PCDH11X: variants seen among roughly 807,000 people sequenced by gnomAD.
PCDH11X encodes protocadherin 11 X-linked, also known as protocadherin-11 X-linked.
A neutral mutation model predicts 53.3 loss-of-function variants in PCDH11X; 18 were observed. The ratio of observed to expected loss-of-function variants is 0.34; its 90% CI spans 0.23 to 0.50. The LOEUF (loss-of-function observed/expected upper bound fraction) is 0.50. Among genes scored for constraint, PCDH11X ranks in the 20% least tolerant of loss-of-function variants. The pLI is 0.98. For missense variants in PCDH11X, 570 were observed against 1,032.4 expected, an observed-to-expected ratio of 0.55 and a Z score of 6.14; for synonymous variants, 279 against 393.3, an observed-to-expected ratio of 0.71 and a Z score of 3.44.
intron 10 of PCDH11X, among the ~76,000 whole-genome samples, chrX:92,611,612 T>C (rs925108555): frequency 6.5e-5 from 7 of 107,399 alleles, no homozygotes; most frequent in African/African-American, 2.0e-4. Flanking sequence ...GCACTTCCAG[T>C]ACTGTGTTGA....
intron 4 of PCDH11X, among the ~76,000 whole-genome samples, chrX:91,821,167 G>A (rs7052233): frequency 0.019 from 2,036 of 108,322 alleles, 54 homozygotes; most frequent in African/African-American, 0.066. Flanking sequence ...CTCTTTTTTG[G>A]TTCCATATGA....
chrX:91,875,751 G>A (rs1476681995), intron 5 of PCDH11X, among the ~76,000 whole-genome samples: 1 of 109,621 alleles, frequency 9.1e-6, no homozygotes. Context: ...AAATAACATT[G>A]CATTGTTAAT....
At chrX:91,832,970 C>T (rs1478115919) in intron 4 of PCDH11X, among the ~76,000 whole-genome samples, 1 of 98,043 alleles carries the variant, frequency 1.0e-5, no homozygotes, top group Non-Finnish European at 2.1e-5. Flanking sequence ...GCCTAGTACC[C>T]ATTAATTTTT....
At chrX:92,616,676 G>GT (rs948597270) in intron 10 of PCDH11X, among the ~76,000 whole-genome samples, 8 of 109,022 alleles carry the variant, frequency 7.3e-5, no homozygotes, top group Non-Finnish European at 1.5e-4. Context: ...CCACAAATAG[G>GT]TTTTTTTTAA....
chrX:92,394,837 C>T, intron 9 of PCDH11X, among the ~76,000 whole-genome samples: 1 of 111,222 alleles, frequency 9.0e-6, no homozygotes, highest in East Asian at 2.8e-4. Context: ...TTTTTAATCC[C>T]CATGACACTT....
chrX:92,214,875 C>G (rs2066661631), intron 7 of PCDH11X, among the ~76,000 whole-genome samples: 2 of 110,887 alleles, frequency 1.8e-5, no homozygotes, highest in African/African-American at 6.6e-5. Context: ...ACAGCGAAAC[C>G]TCTTTACTAC....
chrX:92,100,533 G>A (rs866446848), intron 6 of PCDH11X, among the ~76,000 whole-genome samples: 2 of 110,193 alleles, frequency 1.8e-5, no homozygotes, highest in African/African-American at 6.7e-5. Flanking sequence ...GGCAAGGACC[G>A]GCCATTTACA....
At chrX:92,049,060 G>A (rs1006702435) in intron 6 of PCDH11X, among the ~76,000 whole-genome samples, 60 of 110,842 alleles carry the variant, frequency 5.4e-4, no homozygotes, top group Non-Finnish European at 5.8e-4. Context: ...TGGAGACCAC[G>A]TTTTACAGTG....
intron 10 of PCDH11X, among the ~76,000 whole-genome samples, chrX:92,554,516 A>G (rs922925307): frequency 4.5e-5 from 5 of 110,658 alleles, no homozygotes; most frequent in Admixed American, 2.9e-4. Flanking sequence ...TTTATTAATT[A>G]CATAGTTCAA....
chrX:91,897,252 A>G (rs1446984841), intron 6 of PCDH11X, among the ~76,000 whole-genome samples: 1 of 95,879 alleles, frequency 1.0e-5, no homozygotes, highest in Non-Finnish European at 2.1e-5. Flanking sequence ...ATTGTGTTGC[A>G]AGCCCTAGCT....
chrX:91,970,434 G>A (rs2061941631), intron 6 of PCDH11X, among the ~76,000 whole-genome samples: 1 of 111,318 alleles, frequency 9.0e-6, no homozygotes, highest in African/African-American at 3.3e-5. Flanking sequence ...TAGCTAGATA[G>A]AAAAGTTCTC....
At chrX:92,342,827 A>G (rs2069796372) in intron 8 of PCDH11X, among the ~76,000 whole-genome samples, 1 of 111,397 alleles carries the variant, frequency 9.0e-6, no homozygotes. Flanking sequence ...AAACCTGCAC[A>G]TGTACCACCT....
At chrX:92,118,420 C>G (rs1233977797) in intron 6 of PCDH11X, among the ~76,000 whole-genome samples, 7 of 107,499 alleles carry the variant, frequency 6.5e-5, no homozygotes, top group Admixed American at 1.0e-4. Flanking sequence ...ACCATAAAAT[C>G]TCCAAGCTCA....
At chrX:92,495,753 A>G (rs766600407) in intron 10 of PCDH11X, among the ~76,000 whole-genome samples, 3 of 107,386 alleles carry the variant, frequency 2.8e-5, no homozygotes, top group Non-Finnish European at 1.9e-5. Flanking sequence ...CACTTCTTAC[A>G]TGGCAGCAGC....
intron 4 of PCDH11X, among the ~76,000 whole-genome samples, chrX:91,829,442 A>ACC (rs1162854585): frequency 1.2e-3 from 81 of 69,993 alleles, no homozygotes; most frequent in African/African-American, 1.8e-3. Flanking sequence ...ACACACACAC[A>ACC]CCCACAATTA....
chrX:91,884,711 A>G (rs1940118883), intron 6 of PCDH11X, among the ~76,000 whole-genome samples: 1 of 111,815 alleles, frequency 8.9e-6, no homozygotes, highest in African/African-American at 3.2e-5. Flanking sequence ...TGACTTACTA[A>G]CAGTACTAAC....
intron 1 of PCDH11X, among the ~76,000 whole-genome samples, chrX:91,785,132 T>C (rs1475478682): frequency 9.5e-6 from 1 of 105,378 alleles, no homozygotes; most frequent in East Asian, 3.0e-4. Context: ...CTGCATCCCA[T>C]CCTTTCTGCT....
chrX:92,293,622 CAAAAAAA>C (rs10685775), intron 8 of PCDH11X, among the ~76,000 whole-genome samples: 2 of 55,530 alleles, frequency 3.6e-5, no homozygotes, highest in African/African-American at 1.3e-4. Context: ...GACTCCGTCT[CAAAAAAA>C]AAAAAAAAAG....
In PCDH11X at chrX:92,013,023, C is replaced by A. The variant is rs2062719883; in HGVS notation, c.3033+133750C>A. Among the ~76,000 whole-genome samples, 3 of 111,348 alleles carry A rather than the reference C, an allele frequency of 2.7e-5. No individual in the cohort carries two copies. The South Asian group carries it at 1.1e-3, about 42-fold the overall frequency. On this transcript the variant is annotated intron_variant, in intron 6 of 10. Coordinates refer to ENST00000682573, the MANE Select transcript of PCDH11X (RefSeq NM_032968.5). ...CCTTTTCAACATAGTGTTGGAAGTT[C>A]TGGCCAAGGCAATCAGGCAGGAGAA...
Sources: gnomAD v4.1 joint callset for allele counts (sites outside exome capture counted in the v4.1 genomes callset) on GRCh38, gnomAD v4.1.1 for gene constraint, MANE v1.5 for transcripts, NCBI Gene and HGNC (gene_info 2026-07-23, HGNC 2026-07-21) for gene names.